The following CSMD1 variants were observed in gnomAD, a reference collection of about 807,000 sequenced individuals.
CSMD1 encodes CUB and Sushi multiple domains 1.
A neutral mutation model predicts 417.5 loss-of-function variants in CSMD1; 213 were observed. The observed-to-expected ratio is 0.51, with a 90% CI of 0.46 to 0.57. The LOEUF is 0.57. CSMD1 is among the 20% of genes least tolerant of loss of function. CSMD1 has a pLI of 0.00. For missense variants in CSMD1, 6,923 were observed against 4,529.7 expected (o/e 1.53, Z -15.17); for synonymous variants, 2,862 against 1,736.8 (o/e 1.65, Z -16.11).
intron 3 of CSMD1, among the ~76,000 whole-genome samples, chr8:4,208,861 C>T (rs1013974133): frequency 3.3e-5 from 5 of 152,170 alleles, no homozygotes; most frequent in Non-Finnish European, 4.4e-5. Flanking sequence ...AATAAGTATC[C>T]ATTCAAAATA....
chr8:2,988,349 GAAAGA>G (rs2128945573), intron 54 of CSMD1, among the ~76,000 whole-genome samples: 2 of 151,016 alleles, frequency 1.3e-5, no homozygotes, highest in South Asian at 4.2e-4. Context: ...ATAAAATTAT[GAAAGA>G]AAAGAAAAAA....
At chr8:3,708,926 A>T (rs1801334983) in intron 6 of CSMD1, among the ~76,000 whole-genome samples, 1 of 152,136 alleles carries the variant, frequency 6.6e-6, no homozygotes, top group South Asian at 2.1e-4. Context: ...TCATGTATTC[A>T]TATATTCATT....
chr8:4,661,765 A>G (rs952082789), intron 1 of CSMD1, among the ~76,000 whole-genome samples: 9 of 152,204 alleles, frequency 5.9e-5, no homozygotes, highest in Admixed American at 2.0e-4. Flanking sequence ...TTTTTATAAG[A>G]CCATTAAATC....
intron 1 of CSMD1, among the ~76,000 whole-genome samples, chr8:4,874,477 C>T (rs1802923091): frequency 6.7e-6 from 1 of 148,322 alleles, no homozygotes; most frequent in South Asian, 2.1e-4. Flanking sequence ...GCAATCTCTG[C>T]CTCCCAGGTT....
At chr8:3,770,099 T>C (rs895197005) in intron 5 of CSMD1, among the ~76,000 whole-genome samples, 16 of 152,332 alleles carry the variant, frequency 1.1e-4, no homozygotes, top group African/African-American at 3.6e-4. Context: ...CTTCTTTCCA[T>C]CAGAGCGATT....
At chr8:4,655,120 G>T (rs190603318) in intron 1 of CSMD1, among the ~76,000 whole-genome samples, 2 of 151,664 alleles carry the variant, frequency 1.3e-5, no homozygotes, top group African/African-American at 4.8e-5. Context: ...AATTTCAAGG[G>T]TTTTGTCTTA....
chr8:4,599,532 C>T (rs530859991), intron 2 of CSMD1, among the ~76,000 whole-genome samples: 1 of 151,232 alleles, frequency 6.6e-6, no homozygotes, highest in Non-Finnish European at 1.5e-5. Context: ...ACACTAAGTG[C>T]ACAATATATA....
At position 3,691,616 on chromosome 8, in the gene CSMD1, A is replaced by T. The variant is rs150525178; in HGVS notation, c.1009+16798T>A. Among the ~76,000 whole-genome samples, 1,130 of 152,268 alleles carry T rather than the reference A, an allele frequency of 7.4e-3. 36 individuals carry two copies. The highest frequency in any genetic ancestry group is 0.053 in the Admixed American group (807 of 15,286). ...TGGCTTCTATCCTATCCTAACAAAA[A>T]TATATAACAACTGACAGTGTTCCTA... On this transcript the variant is annotated intron_variant, in intron 7 of 69. Transcript: ENST00000635120.
chr8:4,473,175 C>T (rs955409824), intron 2 of CSMD1, among the ~76,000 whole-genome samples: 27 of 152,158 alleles, frequency 1.8e-4, no homozygotes, highest in Middle Eastern at 6.9e-3. Flanking sequence ...CAATGATTTT[C>T]CAAACCAATG....
At chr8:4,477,676 G>A (rs758506910) in intron 2 of CSMD1, among the ~76,000 whole-genome samples, 5 of 152,130 alleles carry the variant, frequency 3.3e-5, no homozygotes, top group African/African-American at 9.7e-5. Context: ...GTGACGCAAG[G>A]CATGTCCCCA....
intron 42 of CSMD1, among the ~76,000 whole-genome samples, chr8:3,117,985 GC>G (rs1816968246): frequency 6.6e-6 from 1 of 152,184 alleles, no homozygotes; most frequent in Admixed American, 6.5e-5. Context: ...TATTATAAAA[GC>G]TAAACAAAAA....
chr8:4,578,856 G>C (rs1348661041), intron 2 of CSMD1, among the ~76,000 whole-genome samples: 1 of 148,872 alleles, frequency 6.7e-6, no homozygotes, highest in East Asian at 2.0e-4. Flanking sequence ...AGCAGAAATG[G>C]CGGCATTATA....
intron 21 of CSMD1, among the ~76,000 whole-genome samples, chr8:3,358,592 C>T (rs1808951823): frequency 6.6e-6 from 1 of 152,174 alleles, no homozygotes; most frequent in Non-Finnish European, 1.5e-5. Context: ...ATAAAAATTC[C>T]TGTTACTCTT....
intron 23 of CSMD1, among the ~76,000 whole-genome samples, chr8:3,314,110 G>T (rs1044351051): frequency 1.3e-5 from 2 of 151,854 alleles, no homozygotes; most frequent in Non-Finnish European, 2.9e-5. Context: ...TCACACACCG[G>T]AGCCTGTTGT....
intron 7 of CSMD1, among the ~76,000 whole-genome samples, chr8:3,690,497 T>A (rs577870876): frequency 1.3e-5 from 2 of 152,376 alleles, no homozygotes; most frequent in South Asian, 2.1e-4. Flanking sequence ...ACAATGTCTG[T>A]ACTAACTAGG....
At chr8:3,259,138 C>G in intron 26 of CSMD1, among the ~76,000 whole-genome samples, 1 of 152,174 alleles carries the variant, frequency 6.6e-6, no homozygotes. Flanking sequence ...ATTCCAAGGG[C>G]TAGGGCCATA....
chr8:3,624,257 C>A (rs1796390778), intron 7 of CSMD1, among the ~76,000 whole-genome samples: 1 of 152,092 alleles, frequency 6.6e-6, no homozygotes. Context: ...TAGTCCAAAC[C>A]ATCTGTTAGC....
chr8:4,958,334 T>C (rs1039860453), intron 1 of CSMD1, among the ~76,000 whole-genome samples: 2 of 152,190 alleles, frequency 1.3e-5, no homozygotes, highest in Non-Finnish European at 2.9e-5. Context: ...ATTGTCAAAA[T>C]CAAGTTAAAG....
chr8:3,075,360 C>A (rs896587627), intron 49 of CSMD1, among the ~76,000 whole-genome samples: 1 of 150,802 alleles, frequency 6.6e-6, no homozygotes, highest in African/African-American at 2.4e-5. Flanking sequence ...CGGCTCACCA[C>A]AACCTCCACC....
Sources: allele counts gnomAD v4.1 joint callset (sites outside exome capture counted in the v4.1 genomes callset), GRCh38; gene constraint gnomAD v4.1.1; transcripts MANE v1.5; gene names NCBI Gene and HGNC (gene_info 2026-07-23, HGNC 2026-07-21).